The following AFM variants were observed in gnomAD, a reference collection of about 807,000 sequenced individuals.
The protein encoded by AFM is alpha-Alb.
Under a neutral mutation model 68.7 loss-of-function variants are expected in AFM, and 82 were observed. That is an observed-to-expected ratio of 1.19 (90% confidence interval 1.00 to 1.43). The LOEUF (loss-of-function observed/expected upper bound fraction) is 1.43, where lower values mean the gene tolerates loss of function less well. AFM is among the 40% of genes most tolerant of loss of function. The pLI is 0.00. For synonymous variants in AFM, 250 were observed against 234.2 expected, an observed-to-expected ratio of 1.07 and a Z score of -0.61; for missense variants, 772 against 701.8, an observed-to-expected ratio of 1.10 and a Z score of -1.13.
At chr4:73,493,477 C>T (rs1359449713) in intron 8 of AFM, among the ~76,000 whole-genome samples, 1 of 152,060 alleles carries the variant, frequency 6.6e-6, no homozygotes, top group South Asian at 2.1e-4. Flanking sequence ...TATATGTGAA[C>T]CTGTAGCTCT....
At chr4:73,483,521 A>G (rs1242181184) in intron 1 of AFM, among the ~76,000 whole-genome samples, 3 of 152,188 alleles carry the variant, frequency 2.0e-5, no homozygotes, top group Non-Finnish European at 2.9e-5. Flanking sequence ...AGCGCTAAAA[A>G]CTATGCTGAC....
intron 7 of AFM, among the ~76,000 whole-genome samples, chr4:73,491,615 C>T (rs907316367): frequency 6.6e-6 from 1 of 152,054 alleles, no homozygotes; most frequent in Non-Finnish European, 1.5e-5. Context: ...AAGACTAATG[C>T]TTAATAATGG....
intron 1 of AFM, among the ~76,000 whole-genome samples, chr4:73,482,492 T>G (rs1473924442): frequency 6.6e-6 from 1 of 152,240 alleles, no homozygotes; most frequent in Non-Finnish European, 1.5e-5. Context: ...AGCATGGCAG[T>G]GGCCCTGAAG....
In AFM at chr4:73,483,981, T is replaced by C. The variant is rs755873225; in HGVS notation, c.129T>C (p.Ile43=). The change falls in exon 2 of 15, where the codon ATT becomes ATC. Residue 43 remains isoleucine, a synonymous_variant. Transcript: ENST00000226355. ...CTCAAAAATTTATAGAAGATAATAT[T>C]GAATACATGTGAGTTGTGCTAAATA... ...NSTQKFIEDN[I]EYITIIAFAQ... The C allele has an allele frequency of 1.3e-6, 2 of 1,527,028 alleles. No individual in the cohort carries two copies. Among genetic ancestry groups the C allele is most frequent in the East Asian group, 4.5e-5 (2 of 43,984 alleles). 94.6% of individuals were successfully genotyped at this position (1,527,028 alleles called of 1,614,324 possible).
chr4:73,481,920 T>G, intron 1 of AFM, 57 bp downstream of exon 1: 1 of 1,290,558 alleles, frequency 7.7e-7, no homozygotes, highest in Non-Finnish European at 1.1e-6. Flanking sequence ...AATTTCTATT[T>G]TTAAAATTTT....
At chr4:73,494,879 T>C (rs992382169) in intron 8 of AFM, among the ~76,000 whole-genome samples, 2 of 152,182 alleles carry the variant, frequency 1.3e-5, no homozygotes, top group African/African-American at 4.8e-5. Flanking sequence ...GCTCCCTATC[T>C]CTCACGAAGA....
Position 73,487,013 on chromosome 4 carries a change from A to G in AFM, c.529A>G (p.Thr177Ala), listed in dbSNP as rs746458853. 5.0e-6 allele frequency: 8 copies of G among 1,613,780 alleles called. No individual in the cohort carries two copies. In the Admixed American group the frequency reaches 1.0e-4, roughly 20 times the overall value. The change falls in exon 5 of 15, where the codon ACA becomes GCA. Residue 177 changes from threonine (T) to alanine (A), a missense_variant. Physicochemically the swap from Thr to Ala is moderately conservative, Grantham distance 58 (BLOSUM62 0). Transcript: ENST00000226355. Reference sequence around the variant, plus strand: ...AAGGAACCCATTTGTCTTCGCCCCTACACTTCTAACTGTTGCTGTTCATTT... The same window carrying G: ...AAGGAACCCATTTGTCTTCGCCCCTGCACTTCTAACTGTTGCTGTTCATTT... ...ARRNPFVFAPTLLTVAVHFEE... is the reference protein window; with the variant it reads ...ARRNPFVFAPALLTVAVHFEE...
At chr4:73,485,841 C>T in intron 3 of AFM, 21 bp from the exon 4 acceptor site, 1 of 1,601,108 alleles carries the variant, frequency 6.2e-7, no homozygotes, top group Non-Finnish European at 8.6e-7. Flanking sequence ...AAAAATTGTC[C>T]TTTTCTTCTC....
chr4:73,497,289 G>T (rs564858444), intron 9 of AFM, among the ~76,000 whole-genome samples: 11 of 152,252 alleles, frequency 7.2e-5, no homozygotes, highest in African/African-American at 2.6e-4. Flanking sequence ...ATTTCACAAG[G>T]CCAGTTGCCT....
chr4:73,486,274 C>T (rs1410934879), intron 4 of AFM, among the ~76,000 whole-genome samples: 1 of 152,078 alleles, frequency 6.6e-6, no homozygotes, highest in Non-Finnish European at 1.5e-5. Flanking sequence ...GCTTACAAGA[C>T]CATTATATTA....
rs190472193 is a variant in AFM at position 73,495,531 on chromosome 4, A to G, written c.1191+99A>G. ...TTTTGCTGCAGTCTGGGGGTAGAAA[A>G]TGTGATTGGCTAATCTGAGTCCACT... On this transcript the variant is annotated intron_variant, in intron 9 of 14. Transcript: ENST00000226355. 20 of 1,452,040 alleles carry G rather than the reference A, an allele frequency of 1.4e-5. No homozygotes were observed. The African/African-American group carries it at 2.3e-4, about 17-fold the overall frequency. 89.9% of individuals were successfully genotyped at this position (1,452,040 alleles called of 1,614,324 possible).
chr4:73,498,352 C>G (rs1284671132), intron 10 of AFM, among the ~76,000 whole-genome samples: 1 of 152,066 alleles, frequency 6.6e-6, no homozygotes, highest in Non-Finnish European at 1.5e-5. Context: ...GTGGTGTGAT[C>G]TCAGCTCACT....
At chr4:73,487,466 C>T (rs904656696) in intron 5 of AFM, among the ~76,000 whole-genome samples, 11 of 152,310 alleles carry the variant, frequency 7.2e-5, no homozygotes, top group Non-Finnish European at 1.5e-4. Context: ...GCCAAGCTCA[C>T]AGCATGCTGC....
intron 9 of AFM, among the ~76,000 whole-genome samples, chr4:73,496,230 GA>G (rs1455471429): frequency 1.3e-5 from 2 of 152,126 alleles, no homozygotes; most frequent in Non-Finnish European, 2.9e-5. Context: ...GTCTAGTATA[GA>G]AAACTTTTTA....
At position 73,483,977 on chromosome 4, in the gene AFM, A is replaced by G; in HGVS notation, c.125A>G (p.Asn42Ser). 6.5e-7 allele frequency: 1 copy of G among 1,530,404 alleles called. No individual in the cohort carries two copies. Among genetic ancestry groups the G allele is most frequent in the Non-Finnish European group, 9.0e-7 (1 of 1,117,044 alleles). The allele number at this position is 1,530,404 out of a possible 1,614,324, so 94.8% of individuals were successfully genotyped here. A position where few individuals can be genotyped will look rare whatever the true frequency, so the allele number is the denominator to read the frequency against. Residue 42 changes from asparagine (N) to serine (S), a missense_variant, in exon 2 of 15, where the codon AAT becomes AGT. Physicochemically the swap from Asn to Ser is conservative, Grantham distance 46. Transcript: ENST00000226355. ...FNSTQKFIEDNIEYITIIAFA... is the reference protein window; with the variant it reads ...FNSTQKFIEDSIEYITIIAFA... ...AGTACTCAAAAATTTATAGAAGATA[A>G]TATTGAATACATGTGAGTTGTGCTA...
At chr4:73,486,539 GA>G (rs141906219) in intron 4 of AFM, among the ~76,000 whole-genome samples, 2 of 152,046 alleles carry the variant, frequency 1.3e-5, no homozygotes, top group African/African-American at 2.4e-5. Flanking sequence ...AAATTTATCT[GA>G]AAAAAAGTAA....
At chr4:73,500,386 A>ATTT (rs397993993) in intron 12 of AFM, among the ~76,000 whole-genome samples, 159 bp downstream of exon 12, 8 of 149,856 alleles carry the variant, frequency 5.3e-5, no homozygotes, top group African/African-American at 1.2e-4. Context: ...ACAAGTGCAT[A>ATTT]TTTTTTTTTT....
intron 3 of AFM, among the ~76,000 whole-genome samples, chr4:73,485,295 G>A (rs1481849447): frequency 6.6e-6 from 1 of 152,132 alleles, no homozygotes; most frequent in African/African-American, 2.4e-5. Flanking sequence ...AGAAAAGCCT[G>A]GTGGAAGGGA....
Position 73,491,955 on chromosome 4 carries a change from GC to G in AFM, c.928del (p.Arg310AlafsTer5). The part of the protein sequence containing the change: ...KECCEKKIPE[R>X]GQCIINSNKD... ...AGTGCTGTGAAAAGAAAATACCAGA[GC>G]GCGGCCAGTGCATAATTAACTCAAA... On this transcript the variant is annotated frameshift_variant, in exon 8 of 15. Transcript: ENST00000226355. LOFTEE classifies it high-confidence loss of function. The G allele has an allele frequency of 6.2e-7, 1 of 1,613,984 alleles. No individual in the cohort carries two copies. The highest frequency in any genetic ancestry group is 1.1e-5 in the South Asian group (1 of 91,066).
Sources: gnomAD v4.1 joint callset for allele counts (sites outside exome capture counted in the v4.1 genomes callset) on GRCh38, gnomAD v4.1.1 for gene constraint, MANE v1.5 for transcripts, NCBI Gene and HGNC (gene_info 2026-07-23, HGNC 2026-07-21) for gene names.